Variants in ZNF469 observed in about 807,000 individuals in gnomAD.
ZNF469 encodes zinc finger protein 469.
ZNF469 carries 1 observed loss-of-function variant against 1.0 expected under a neutral mutation model. The ratio of observed to expected loss-of-function variants is 1.00; its 90% CI spans 0.35 to 4.73. ZNF469 has a LOEUF of 4.73. ZNF469 is among the 30% of genes most tolerant of loss of function. The pLI, the probability that ZNF469 is intolerant of heterozygous loss-of-function variation, is 0.16. For missense variants in ZNF469, 6,100 were observed against 5,356.3 expected (o/e 1.14, Z -4.33); for synonymous variants, 2,703 against 2,363.4 (o/e 1.14, Z -4.17).
At chr16:88,333,821 C>T in the ZNF469 span, among the ~76,000 whole-genome samples, 3 of 73,750 alleles carry the variant, frequency 4.1e-5, no homozygotes, top group Non-Finnish European at 5.5e-5. Context: ...GGGAGAGTGA[C>T]GGCTGCGTGG....
chr16:88,398,407 AGATGAAGGGACATGTGGGCCACG>A (rs977219745), intron 1 of ZNF469, among the ~76,000 whole-genome samples: 14 of 123,790 alleles, frequency 1.1e-4, no homozygotes, highest in African/African-American at 4.2e-4. Flanking sequence ...TGTGAGCCAC[AGATGAAGGGACATGTGGGCCACG>A]GATGAAGGGA....
At chr16:88,364,229 C>G in the ZNF469 span, among the ~76,000 whole-genome samples, 2 of 152,144 alleles carry the variant, frequency 1.3e-5, no homozygotes, top group African/African-American at 4.8e-5. Context: ...ATCATTTCCC[C>G]TGCAATAATT....
chr16:88,291,092 A>T, the ZNF469 span, among the ~76,000 whole-genome samples: 3 of 152,020 alleles, frequency 2.0e-5, no homozygotes, highest in African/African-American at 7.2e-5. Context: ...CCTCTGGGAG[A>T]CACACCTGGA....
chr16:88,430,794 C>T lies in ZNF469; in HGVS notation c.3324C>T (p.Gly1108=), dbSNP rs1184925456. 1.3e-6 allele frequency: 2 copies of T among 1,527,476 alleles called. No homozygotes were observed. The highest frequency in any genetic ancestry group is 2.0e-5 in the Admixed American group (1 of 49,468). 94.6% of individuals were successfully genotyped at this position (1,527,476 alleles called of 1,614,324 possible). A position where few individuals can be genotyped will look rare whatever the true frequency, so the allele number is the denominator to read the frequency against. The change falls in exon 3 of 3, where the codon GGC becomes GGT. Residue 1108 remains glycine (G), a synonymous_variant. Coordinates refer to ENST00000565624, the MANE Select transcript of ZNF469 (RefSeq NM_001367624.2). ...AGGACGAGCAGCCTCCGCCGCGGGG[C>T]CCCGGCTTCAGAGGCCGGCGGGGCC... ...SEEDEQPPPR[G]PGFRGRRGRG... is the part of the protein sequence containing the mutation.
At chr16:88,417,414 G>A (rs577399527) in intron 1 of ZNF469, among the ~76,000 whole-genome samples, 1 of 152,196 alleles carries the variant, frequency 6.6e-6, no homozygotes, top group Non-Finnish European at 1.5e-5. Context: ...TGTGGGCACC[G>A]TTGCCCATTC....
the ZNF469 span, among the ~76,000 whole-genome samples, chr16:88,161,116 G>A: frequency 2.0e-3 from 308 of 151,172 alleles, 1 homozygote; most frequent in African/African-American, 7.1e-3. Flanking sequence ...AGCCGAGATC[G>A]CGCCATTGCA....
At chr16:88,383,535 G>A (rs570410014) in intron 1 of ZNF469, among the ~76,000 whole-genome samples, 214 of 150,034 alleles carry the variant, frequency 1.4e-3, no homozygotes, top group African/African-American at 4.7e-3. Context: ...GCAGCGCGGG[G>A]TCCGGCTCCG....
chr16:88,134,862 A>G, the ZNF469 span, among the ~76,000 whole-genome samples: 33 of 152,194 alleles, frequency 2.2e-4, no homozygotes, highest in Admixed American at 1.9e-3. Flanking sequence ...CTTTTCCTCA[A>G]TGATTTATAA....
At position 88,432,858 on chromosome 16, in the gene ZNF469, T is replaced by C. The variant is rs1363570359; in HGVS notation, c.5388T>C (p.Phe1796=). The part of the protein sequence containing the change: ...PHRGAPAPEA[F]GSPAVHLAPD... ...GAGGGGCCCCTGCTCCAGAAGCTTTTGGCAGCCCTGCTGTCCATCTGGCCC... is the reference window on the plus strand; with the variant it reads ...GAGGGGCCCCTGCTCCAGAAGCTTTCGGCAGCCCTGCTGTCCATCTGGCCC... The change falls in exon 3 of 3, where the codon TTT becomes TTC. Residue 1796 remains phenylalanine (F), a synonymous_variant. Transcript: ENST00000565624. The C allele has an allele frequency of 1.3e-6, 2 of 1,550,068 alleles. No homozygotes were observed. Among genetic ancestry groups the C allele is most frequent in the Non-Finnish European group, 1.7e-6 (2 of 1,146,926 alleles).
the ZNF469 span, among the ~76,000 whole-genome samples, chr16:88,274,515 A>G: frequency 6.6e-6 from 1 of 152,240 alleles, no homozygotes; most frequent in Non-Finnish European, 1.5e-5. Flanking sequence ...AAGTTTCACA[A>G]CAGATCAGCC....
the ZNF469 span, among the ~76,000 whole-genome samples, chr16:88,238,119 A>C: frequency 2.4e-4 from 36 of 152,110 alleles, no homozygotes; most frequent in Admixed American, 1.0e-3. Context: ...CCACCCTCTA[A>C]TTTTCACCTG....
At chr16:88,267,644 C>G in the ZNF469 span, among the ~76,000 whole-genome samples, 6 of 151,926 alleles carry the variant, frequency 3.9e-5, no homozygotes, top group Non-Finnish European at 8.8e-5. Flanking sequence ...ACACAGGGCC[C>G]CCAGGTGTGG....
intron 1 of ZNF469, among the ~76,000 whole-genome samples, chr16:88,420,213 G>T (rs574915516): frequency 6.6e-6 from 1 of 152,256 alleles, no homozygotes; most frequent in East Asian, 1.9e-4. Flanking sequence ...AGGGGCTGAG[G>T]AGAAAGGGAG....
the ZNF469 span, among the ~76,000 whole-genome samples, chr16:88,277,680 TATCAGTGCAC>T: frequency 7.9e-6 from 1 of 127,190 alleles, no homozygotes; most frequent in Non-Finnish European, 1.7e-5. Flanking sequence ...ACCATGTAGA[TATCAGTGCAC>T]GGTTAGTGCT....
chr16:88,163,757 A>G, the ZNF469 span, among the ~76,000 whole-genome samples: 1 of 151,778 alleles, frequency 6.6e-6, no homozygotes, highest in South Asian at 2.1e-4. Flanking sequence ...GGGTAAGTGG[A>G]TGAATGGATC....
Position 88,433,497 on chromosome 16 carries a change from A to C in ZNF469, c.6027A>C (p.Pro2009=), listed in dbSNP as rs1164667697. 6.5e-7 allele frequency: 1 copy of C among 1,550,374 alleles called. No individual in the cohort carries two copies. The highest frequency in any genetic ancestry group is 8.7e-7 in the Non-Finnish European group (1 of 1,146,940). ...NQLQPENGVS[P]GGTDNHASVN... ...TTCAGCCAGAGAACGGGGTGAGCCCAGGGGGCACGGACAACCACGCCTCAG... is the reference window on the plus strand; with the variant it reads ...TTCAGCCAGAGAACGGGGTGAGCCCCGGGGGCACGGACAACCACGCCTCAG... The change falls in exon 3 of 3, where the codon CCA becomes CCC. Residue 2009 remains proline (P), a synonymous_variant. Coordinates refer to ENST00000565624, the MANE Select transcript of ZNF469 (RefSeq NM_001367624.2).
the ZNF469 span, among the ~76,000 whole-genome samples, chr16:88,239,713 ATATTTTTTTTTTTTTTT>A: frequency 1.3e-3 from 5 of 3,992 alleles, no homozygotes; most frequent in Non-Finnish European, 1.7e-3. Flanking sequence ...ATATATATAT[ATATTTTTTTTTTTTTTT>A]TTTTTTTTTT....
At chr16:88,289,741 G>A in the ZNF469 span, among the ~76,000 whole-genome samples, 59 of 152,228 alleles carry the variant, frequency 3.9e-4, no homozygotes, top group African/African-American at 7.9e-4. Flanking sequence ...CTTGGTCTTC[G>A]TGCCTTAAGG....
the ZNF469 span, among the ~76,000 whole-genome samples, chr16:88,351,723 G>A: frequency 6.6e-6 from 1 of 152,234 alleles, no homozygotes; most frequent in South Asian, 2.1e-4. Context: ...GCCCCAGCCG[G>A]AGCTCCTCCC....
Sources: gnomAD v4.1 joint callset for allele counts (sites outside exome capture counted in the v4.1 genomes callset) on GRCh38, gnomAD v4.1.1 for gene constraint, MANE v1.5 for transcripts, NCBI Gene and HGNC (gene_info 2026-07-23, HGNC 2026-07-21) for gene names.